LYRM1: variants seen among roughly 807,000 people sequenced by gnomAD.
LYRM1 encodes the protein LYR motif-containing protein 1.
In LYRM1, 14 loss-of-function variants were observed where a neutral mutation model predicts 14.9. That is an observed-to-expected ratio of 0.94 (90% CI 0.62 to 1.47). The LOEUF (loss-of-function observed/expected upper bound fraction) is 1.47. LYRM1 is among the 40% of genes most tolerant of loss of function. The probability of loss-of-function intolerance (pLI) is 0.00; values close to 1 mark genes in which losing one functional copy is unlikely to be tolerated. For synonymous variants in LYRM1, 43 were observed against 56.2 expected (o/e 0.77, Z 1.05); for missense variants, 153 against 149.9 (o/e 1.02, Z -0.11).
At chr16:20,906,426 T>G (rs2269766) in intron 1 of LYRM1, among the ~76,000 whole-genome samples, 22,802 of 152,224 alleles carry the variant, frequency 0.15, 2,362 homozygotes, top group East Asian at 0.42. Context: ...CATAAAGTAC[T>G]TGGGAGAGAA....
chr16:20,917,680 C>T (rs1410246477), intron 2 of LYRM1, among the ~76,000 whole-genome samples: 2 of 152,072 alleles, frequency 1.3e-5, no homozygotes, highest in Non-Finnish European at 2.9e-5. Flanking sequence ...ATTTCTTGAA[C>T]CCAGGAGGCA....
chr16:20,902,103 T>A (rs985322749), intron 1 of LYRM1, among the ~76,000 whole-genome samples: 1 of 152,100 alleles, frequency 6.6e-6, no homozygotes, highest in Admixed American at 6.5e-5. Flanking sequence ...GGAGTGAGAC[T>A]CCGTCTTAAG....
chr16:20,905,857 C>T (rs1490674673), intron 1 of LYRM1, among the ~76,000 whole-genome samples: 1 of 152,202 alleles, frequency 6.6e-6, no homozygotes. Context: ...CTCTTGAAAG[C>T]ATCCTAGTAA....
At chr16:20,902,975 A>T (rs1460619406) in intron 1 of LYRM1, among the ~76,000 whole-genome samples, 1 of 152,134 alleles carries the variant, frequency 6.6e-6, no homozygotes, top group Admixed American at 6.5e-5. Context: ...GTTCCACAAT[A>T]TAGTGTAAAG....
intron 1 of LYRM1, among the ~76,000 whole-genome samples, chr16:20,906,324 G>C (rs2082319271): frequency 6.6e-6 from 1 of 152,190 alleles, no homozygotes; most frequent in Non-Finnish European, 1.5e-5. Context: ...AAGTAGAGAG[G>C]CTTCCTATGG....
In LYRM1 at chr16:20,919,825, A is replaced by G. The variant is rs2285516; in HGVS notation, c.160-297A>G. Reference sequence around the variant, plus strand: ...CACATATACATAGAATACCCCTGCAAGAACACACAAGAAACTGCTAATTGT... The same window carrying G: ...CACATATACATAGAATACCCCTGCAGGAACACACAAGAAACTGCTAATTGT... On this transcript the variant is annotated intron_variant, in intron 2 of 3. Transcript: ENST00000567954. Among the ~76,000 whole-genome samples the G allele has an allele frequency of 0.47, 70,744 of 152,054 alleles. 17,310 individuals are homozygous for G. The highest frequency in any genetic ancestry group is 0.56 in the Non-Finnish European group (37,908 of 67,954).
chr16:20,922,768 G>A (rs902659517), intron 3 of LYRM1, among the ~76,000 whole-genome samples: 1 of 152,154 alleles, frequency 6.6e-6, no homozygotes, highest in South Asian at 2.1e-4. Flanking sequence ...GATTACAGGC[G>A]TGAGCCACTG....
chr16:20,924,401 GA>G lies in LYRM1; in HGVS notation c.*286del. ...GTAGAAGGAAAGCGGAAGGATGTAA[GA>G]GCTGTTCATGGGAATTCCATTCACC... On this transcript the variant is annotated 3_prime_UTR_variant, in exon 4 of 4. Coordinates refer to ENST00000567954, the MANE Select transcript of LYRM1 (RefSeq NM_001128302.3). The G allele has an allele frequency of 3.7e-6, 1 of 267,820 alleles. No individual in the cohort carries two copies. The allele number at this position is 267,820 out of a possible 1,614,324, so 16.6% of individuals were successfully genotyped here. A position where few individuals can be genotyped will look rare whatever the true frequency, so the allele number is the denominator to read the frequency against.
intron 3 of LYRM1, among the ~76,000 whole-genome samples, chr16:20,923,498 CAA>C (rs66570481): frequency 2.7e-5 from 3 of 110,436 alleles, no homozygotes; most frequent in East Asian, 2.7e-4. Flanking sequence ...AACTGTGTCT[CAA>C]AAAAAAAAAA....
In LYRM1 at chr16:20,924,025, C is replaced by T. The variant is rs957187145; in HGVS notation, c.278C>T (p.Thr93Ile). The change falls in exon 4 of 4, where the codon ACC becomes ATC. Residue 93 changes from threonine (T) to isoleucine (I), a missense_variant. By Grantham distance (89) the Thr-to-Ile change is moderately conservative (BLOSUM62 -1). Coordinates refer to ENST00000567954, the MANE Select transcript of LYRM1 (RefSeq NM_001128302.3). ...RPIHLPPMGLTPLRGRGLRSQ... is the reference protein window; with the variant it reads ...RPIHLPPMGLIPLRGRGLRSQ... The stretch of plus-strand genomic sequence containing the variant: ...ATTCATCTGCCTCCAATGGGCCTTA[C>T]CCCACTCCGAGGCCGGGGACTTCGA... 10 of 1,610,792 alleles carry T rather than the reference C, an allele frequency of 6.2e-6. No homozygotes were observed. The Admixed American group carries it at 1.0e-4, about 16-fold the overall frequency.
chr16:20,915,812 C>A, intron 2 of LYRM1, 98 bp downstream of exon 2: 1 of 1,333,480 alleles, frequency 7.5e-7, no homozygotes, highest in Non-Finnish European at 1.0e-6. Context: ...CTGAGCCGCA[C>A]AGTCATGGTG....
At chr16:20,902,675 C>T (rs1333409477) in intron 1 of LYRM1, 1 of 152,222 alleles carries the variant, frequency 6.6e-6, no homozygotes, top group Non-Finnish European at 1.5e-5. Flanking sequence ...TCTCTTCCCT[C>T]CCTCCCTCTC....
chr16:20,901,868 A>G lies in LYRM1; in HGVS notation c.-1+979A>G, dbSNP rs1052040592. On this transcript the variant is annotated intron_variant, in intron 1 of 3. Transcript: ENST00000567954. This position sits in a 1 kb window ranked among gnomAD's most constrained non-coding sequence, Gnocchi z 4.6. ...CGGCCGGGCGCGGTGGCTCACGCCTATAAACCCAGTACTTTGGGAGGCCTA... is the reference window on the plus strand; with the variant it reads ...CGGCCGGGCGCGGTGGCTCACGCCTGTAAACCCAGTACTTTGGGAGGCCTA... 1.3e-5 allele frequency among the ~76,000 whole-genome samples: 2 copies of G among 152,192 alleles called. No individual in the cohort carries two copies. Among genetic ancestry groups the G allele is most frequent in the East Asian group, 1.9e-4 (1 of 5,186 alleles).
chr16:20,907,256 A>T (rs1261693261), intron 1 of LYRM1, among the ~76,000 whole-genome samples: 3 of 152,214 alleles, frequency 2.0e-5, no homozygotes, highest in African/African-American at 7.2e-5. Context: ...TTTGCGCTTA[A>T]GACCAGAAAC....
At chr16:20,918,560 C>T (rs1359110970) in intron 2 of LYRM1, among the ~76,000 whole-genome samples, 3 of 152,078 alleles carry the variant, frequency 2.0e-5, no homozygotes, top group African/African-American at 4.8e-5. Flanking sequence ...GCAGCCAGCC[C>T]GTGAATGACT....
chr16:20,902,356 T>C (rs1282455890), intron 1 of LYRM1: 2 of 152,198 alleles, frequency 1.3e-5, no homozygotes, highest in Non-Finnish European at 2.9e-5. Flanking sequence ...AAGTTAGATA[T>C]ACAAGTCGGG....
At chr16:20,908,056 C>T (rs1442623680) in intron 1 of LYRM1, among the ~76,000 whole-genome samples, 1 of 152,140 alleles carries the variant, frequency 6.6e-6, no homozygotes, top group African/African-American at 2.4e-5. Flanking sequence ...AGAGTAAGGC[C>T]TACCAGGTAG....
At chr16:20,911,156 C>A (rs1169625672) in intron 1 of LYRM1, 2 of 152,094 alleles carry the variant, frequency 1.3e-5, no homozygotes, top group Non-Finnish European at 2.9e-5. Flanking sequence ...TTGAATATAA[C>A]TTTGGTCCTT....
intron 1 of LYRM1, among the ~76,000 whole-genome samples, chr16:20,913,712 G>A (rs928026772): frequency 2.6e-5 from 4 of 152,134 alleles, no homozygotes; most frequent in African/African-American, 7.2e-5. Context: ...ATATACCTAC[G>A]TCCGTTCTCT....
Sources: gnomAD v4.1 joint callset for allele counts (sites outside exome capture counted in the v4.1 genomes callset) on GRCh38, gnomAD v4.1.1 for gene constraint, Gnocchi (gnomAD v3.1) non-coding constraint, MANE v1.5 for transcripts, NCBI Gene and HGNC (gene_info 2026-07-23, HGNC 2026-07-21) for gene names.